Variants in MYO1D observed in about 807,000 individuals in gnomAD.
The protein encoded by MYO1D is myosin ID, also known as unconventional myosin-Id.
A neutral mutation model predicts 122.0 loss-of-function variants in MYO1D; 83 were observed. The observed-to-expected ratio is 0.68, with a 90% CI of 0.57 to 0.82. The LOEUF (loss-of-function observed/expected upper bound fraction) is 0.82, where lower values mean the gene tolerates loss of function less well. MYO1D is among the 40% of genes least tolerant of loss of function. The pLI is 0.00. For synonymous variants in MYO1D, 464 were observed against 446.9 expected, an observed-to-expected ratio of 1.04 and a Z score of -0.48; for missense variants, 1,157 against 1,269.5, an observed-to-expected ratio of 0.91 and a Z score of 1.35.
intron 1 of MYO1D, among the ~76,000 whole-genome samples, chr17:32,800,081 T>A (rs558015295): frequency 4.2e-4 from 64 of 152,172 alleles, no homozygotes; most frequent in Non-Finnish European, 6.3e-4. Context: ...CCTTGTACAC[T>A]GTAGGTGGTA....
intron 1 of MYO1D, among the ~76,000 whole-genome samples, chr17:32,858,382 G>A (rs143539661): frequency 6.6e-6 from 1 of 152,274 alleles, no homozygotes; most frequent in African/African-American, 2.4e-5. Flanking sequence ...ATACAGTTCA[G>A]CATCATGCTT....
Position 32,777,693 on chromosome 17 carries a change from C to A in MYO1D, c.398+787G>T, listed in dbSNP as rs186803228. On this transcript the variant is annotated intron_variant, in intron 3 of 21. Coordinates refer to ENST00000318217, the MANE Select transcript of MYO1D (RefSeq NM_015194.3). The stretch of plus-strand genomic sequence containing the variant: ...GGGCGCGGTGGCACATGCCTGTAAT[C>A]CTAGCACTTTGGGAGACCGAGGCGG... Among the ~76,000 whole-genome samples, 9 of 152,180 alleles carry A rather than the reference C, an allele frequency of 5.9e-5. No individual in the cohort carries two copies. In the East Asian group the frequency reaches 1.7e-3, roughly 29 times the overall value.
chr17:32,558,032 CTT>C (rs1388831730), intron 21 of MYO1D, among the ~76,000 whole-genome samples: 1 of 152,018 alleles, frequency 6.6e-6, no homozygotes, highest in African/African-American at 2.4e-5. Context: ...TTAAACCTCT[CTT>C]GAGTTTTTAT....
intron 21 of MYO1D, among the ~76,000 whole-genome samples, chr17:32,540,376 GA>G (rs908742597): frequency 1.6e-5 from 2 of 128,680 alleles, no homozygotes; most frequent in Non-Finnish European, 3.4e-5. Context: ...CCACAGAATA[GA>G]AAAAAACTTT....
intron 1 of MYO1D, chr17:32,794,084 G>C (rs577941104): frequency 6.6e-6 from 1 of 152,324 alleles, no homozygotes; most frequent in African/African-American, 2.4e-5. Flanking sequence ...ACTTCTGCTA[G>C]CACAGCGAAC....
chr17:32,739,743 A>G (rs1400648330), intron 13 of MYO1D, among the ~76,000 whole-genome samples: 1 of 152,142 alleles, frequency 6.6e-6, no homozygotes, highest in Non-Finnish European at 1.5e-5. Context: ...TTTCCCTCAT[A>G]TAAAATTTTA....
At chr17:32,578,774 G>A (rs2087301291) in intron 21 of MYO1D, among the ~76,000 whole-genome samples, 1 of 152,178 alleles carries the variant, frequency 6.6e-6, no homozygotes, top group Non-Finnish European at 1.5e-5. Flanking sequence ...TTCTGGGAGA[G>A]TACTTCCCCT....
chr17:32,768,658 G>GTTTTTGT (rs2090084743), intron 6 of MYO1D, among the ~76,000 whole-genome samples: 2 of 152,062 alleles, frequency 1.3e-5, no homozygotes, highest in Admixed American at 1.3e-4. Flanking sequence ...CTCCTCCTAG[G>GTTTTTGT]TTTTTGTTTT....
intron 6 of MYO1D, among the ~76,000 whole-genome samples, chr17:32,769,306 T>C (rs1257004961): frequency 2.6e-5 from 4 of 152,190 alleles, no homozygotes; most frequent in Admixed American, 2.0e-4. Context: ...GAGCTGTCCA[T>C]GAGTGTGGCA....
At chr17:32,722,338 A>G (rs1294305896) in intron 14 of MYO1D, among the ~76,000 whole-genome samples, 1 of 152,216 alleles carries the variant, frequency 6.6e-6, no homozygotes, top group Non-Finnish European at 1.5e-5. Context: ...GGAGGTCAGA[A>G]GTCTGAAATA....
chr17:32,756,114 A>G (rs761523698), intron 10 of MYO1D: 7 of 210,488 alleles, frequency 3.3e-5, no homozygotes, highest in Non-Finnish European at 5.8e-5. Flanking sequence ...GCAATTTTAT[A>G]AAAGTAGGGT....
chr17:32,808,193 G>C (rs758379053), intron 1 of MYO1D, among the ~76,000 whole-genome samples: 11 of 152,014 alleles, frequency 7.2e-5, no homozygotes, highest in Non-Finnish European at 1.2e-4. Flanking sequence ...GGGCAACATA[G>C]TAAAACCTTG....
intron 19 of MYO1D, among the ~76,000 whole-genome samples, chr17:32,647,115 T>TACC (rs2088306394): frequency 6.6e-6 from 1 of 152,192 alleles, no homozygotes; most frequent in Non-Finnish European, 1.5e-5. Flanking sequence ...GTTTAGTCAG[T>TACC]ACCACAGGGG....
chr17:32,849,506 T>TA (rs2090966886), intron 1 of MYO1D, among the ~76,000 whole-genome samples: 1 of 151,082 alleles, frequency 6.6e-6, no homozygotes, highest in Non-Finnish European at 1.5e-5. Flanking sequence ...TGAGTTCATG[T>TA]CCTTTGTAGG....
intron 20 of MYO1D, among the ~76,000 whole-genome samples, chr17:32,634,467 G>A (rs2088069611): frequency 6.6e-6 from 1 of 152,312 alleles, no homozygotes; most frequent in South Asian, 2.1e-4. Context: ...GCCCATTAAA[G>A]TTAGTTGCTG....
At chr17:32,808,609 C>T (rs879928845) in intron 1 of MYO1D, among the ~76,000 whole-genome samples, 5 of 152,138 alleles carry the variant, frequency 3.3e-5, no homozygotes, top group African/African-American at 7.2e-5. Flanking sequence ...AAATCTAACT[C>T]CTAATGTGAT....
intron 20 of MYO1D, among the ~76,000 whole-genome samples, chr17:32,615,495 G>C (rs1266545986): frequency 1.3e-5 from 2 of 152,186 alleles, no homozygotes; most frequent in Admixed American, 6.5e-5. Flanking sequence ...AGAGGAGAGA[G>C]AGGACCTTAA....
chr17:32,759,817 A>G, intron 10 of MYO1D: 1 of 366,870 alleles, frequency 2.7e-6, no homozygotes. Flanking sequence ...GAAAATGCAA[A>G]GTAAAACAAG....
At chr17:32,745,785 T>C (rs879859288) in intron 12 of MYO1D, 2 of 156,102 alleles carry the variant, frequency 1.3e-5, no homozygotes, top group Admixed American at 6.4e-5. Flanking sequence ...AGCAGGCACA[T>C]GCATGGTGCT....
Sources: gnomAD v4.1 joint callset for allele counts (sites outside exome capture counted in the v4.1 genomes callset) on GRCh38, gnomAD v4.1.1 for gene constraint, MANE v1.5 for transcripts, NCBI Gene and HGNC (gene_info 2026-07-23, HGNC 2026-07-21) for gene names.